The following MAPK9 variants were observed in gnomAD, a reference collection of about 807,000 sequenced individuals.
MAPK9 encodes mitogen-activated protein kinase 9.
A neutral mutation model predicts 57.1 loss-of-function variants in MAPK9; 30 were observed. The ratio of observed to expected loss-of-function variants is 0.53; its 90% CI spans 0.39 to 0.71. The LOEUF is 0.71. MAPK9 is among the 30% of genes least tolerant of loss of function. MAPK9 has a pLI of 0.00. For missense variants in MAPK9, 362 were observed against 521.0 expected, an observed-to-expected ratio of 0.69 and a Z score of 2.97; for synonymous variants, 155 against 177.0, an observed-to-expected ratio of 0.88 and a Z score of 0.99.
At chr5:180,268,703 T>C (rs1372560814) in intron 3 of MAPK9, among the ~76,000 whole-genome samples, 1 of 151,822 alleles carries the variant, frequency 6.6e-6, no homozygotes, top group Non-Finnish European at 1.5e-5. Flanking sequence ...GGCGGGCGCC[T>C]GTAGTCCCAG....
At chr5:180,257,331 TA>T (rs1209794065) in intron 5 of MAPK9, among the ~76,000 whole-genome samples, 2 of 152,228 alleles carry the variant, frequency 1.3e-5, no homozygotes, top group Non-Finnish European at 2.9e-5. Flanking sequence ...CTCCACCATC[TA>T]AAACCCATCT....
At chr5:180,290,275 C>T (rs1439726080) in intron 1 of MAPK9, among the ~76,000 whole-genome samples, 2 of 152,314 alleles carry the variant, frequency 1.3e-5, no homozygotes, top group East Asian at 1.9e-4. Flanking sequence ...CAGTGGCCTA[C>T]GGTCCTTCCT....
At chr5:180,251,738 G>GCCTGGATCGGGGCGTGACA (rs1425060076) in intron 5 of MAPK9, among the ~76,000 whole-genome samples, 2 of 152,164 alleles carry the variant, frequency 1.3e-5, no homozygotes, top group African/African-American at 2.4e-5. Flanking sequence ...TCCAAGTGAC[G>GCCTGGATCGGGGCGTGACA]CCTGGATCGG....
chr5:180,279,652 T>G (rs546126500), intron 2 of MAPK9: 15 of 355,006 alleles, frequency 4.2e-5, no homozygotes, highest in African/African-American at 2.1e-4. Context: ...ACGGTTTCTT[T>G]AGGCGCAAAG....
At chr5:180,285,443 A>C (rs1370990899) in intron 1 of MAPK9, among the ~76,000 whole-genome samples, 2 of 152,062 alleles carry the variant, frequency 1.3e-5, no homozygotes, top group African/African-American at 4.8e-5. Context: ...CTACCAAAAC[A>C]CTTTTTCCTC....
At chr5:180,280,140 ATACC>A in intron 2 of MAPK9, 1 of 478,782 alleles carries the variant, frequency 2.1e-6, no homozygotes, top group Non-Finnish European at 4.0e-6. Context: ...ACTCACTGTC[ATACC>A]TACTACTCTG....
intron 5 of MAPK9, among the ~76,000 whole-genome samples, chr5:180,250,507 AG>A (rs1406136954): frequency 1.3e-5 from 2 of 152,182 alleles, no homozygotes; most frequent in East Asian, 3.9e-4. Flanking sequence ...AGGAAGTTGC[AG>A]GTTCAGTAGC....
chr5:180,268,956 G>A (rs1760975284), intron 3 of MAPK9, among the ~76,000 whole-genome samples: 1 of 151,062 alleles, frequency 6.6e-6, no homozygotes, highest in African/African-American at 2.4e-5. Context: ...TGACTAACAT[G>A]GTGAAACCCC....
At chr5:180,273,679 G>A (rs181940685) in intron 2 of MAPK9, among the ~76,000 whole-genome samples, 28 of 152,296 alleles carry the variant, frequency 1.8e-4, no homozygotes, top group African/African-American at 6.5e-4. Context: ...TATAATATGA[G>A]GTTGGGGTCA....
At chr5:180,269,118 G>A (rs981813346) in intron 3 of MAPK9, among the ~76,000 whole-genome samples, 162 bp downstream of exon 3, 4 of 152,016 alleles carry the variant, frequency 2.6e-5, no homozygotes, top group South Asian at 2.1e-4. Flanking sequence ...CAGCCTGGGC[G>A]ACAAAAAAAC....
intron 1 of MAPK9, among the ~76,000 whole-genome samples, chr5:180,291,205 G>C (rs1489171541): frequency 6.6e-6 from 1 of 152,062 alleles, no homozygotes; most frequent in Non-Finnish European, 1.5e-5. Flanking sequence ...GCAGTCTTCT[G>C]GGGGAGGGGC....
At chr5:180,291,801 C>G (rs941368838) in intron 1 of MAPK9, 47 bp downstream of exon 1, 1 of 148,324 alleles carries the variant, frequency 6.7e-6, no homozygotes, top group Non-Finnish European at 1.5e-5. Context: ...CCCCGCGGGC[C>G]CGGCCCGAGC....
intron 5 of MAPK9, among the ~76,000 whole-genome samples, chr5:180,250,150 T>C (rs981584998): frequency 1.3e-5 from 2 of 152,194 alleles, no homozygotes; most frequent in African/African-American, 2.4e-5. Context: ...GCTGACTCTG[T>C]GTGAGCTCTC....
chr5:180,262,571 A>T (rs1223017497), intron 4 of MAPK9, among the ~76,000 whole-genome samples: 3 of 44,148 alleles, frequency 6.8e-5, no homozygotes, highest in African/African-American at 1.2e-4. Context: ...AAATTAAATT[A>T]AAAAAAAAAA....
At chr5:180,238,144 C>A in intron 11 of MAPK9, 188 bp downstream of exon 11, 1 of 443,520 alleles carries the variant, frequency 2.3e-6, no homozygotes, top group Non-Finnish European at 4.1e-6. Context: ...GTGGCGCGTG[C>A]CTGTAGTCCC....
chr5:180,239,289 G>C (rs1231678045), intron 10 of MAPK9, among the ~76,000 whole-genome samples: 1 of 152,202 alleles, frequency 6.6e-6, no homozygotes, highest in Non-Finnish European at 1.5e-5. Flanking sequence ...CATTCGCTGA[G>C]GCCAGTGAGC....
intron 3 of MAPK9, among the ~76,000 whole-genome samples, chr5:180,266,118 A>T (rs185659879): frequency 6.6e-6 from 1 of 152,176 alleles, no homozygotes; most frequent in Admixed American, 6.5e-5. Context: ...CCTCCTACAA[A>T]TGCAGAAGAG....
At chr5:180,266,093 A>AT (rs1760518599) in intron 3 of MAPK9, among the ~76,000 whole-genome samples, 1 of 151,884 alleles carries the variant, frequency 6.6e-6, no homozygotes, top group Admixed American at 6.6e-5. Context: ...TAGTTTTAAT[A>AT]TTTAAAAAAA....
intron 7 of MAPK9, 144 bp from the exon 8 acceptor site, chr5:180,242,899 G>A: frequency 1.7e-6 from 1 of 573,758 alleles, no homozygotes; most frequent in Non-Finnish European, 2.9e-6. Flanking sequence ...ATTCAAATAA[G>A]GTTTGGGTTT....
Sources: gnomAD v4.1 joint callset for allele counts (sites outside exome capture counted in the v4.1 genomes callset) on GRCh38, gnomAD v4.1.1 for gene constraint, MANE v1.5 for transcripts, NCBI Gene and HGNC (gene_info 2026-07-23, HGNC 2026-07-21) for gene names.